The following KCTD4 variants were observed in gnomAD, a reference collection of about 807,000 sequenced individuals.
KCTD4 encodes the protein BTB/POZ domain-containing protein KCTD4.
In KCTD4, 12 loss-of-function variants were observed where a neutral mutation model predicts 18.3. That is an observed-to-expected ratio of 0.66 (90% CI 0.42 to 1.06). The LOEUF is 1.06. Among genes scored for constraint, KCTD4 ranks in the 50% least tolerant of loss-of-function variants. KCTD4 has a pLI of 0.00. For synonymous variants in KCTD4, 124 were observed against 110.5 expected (o/e 1.12, Z -0.76); for missense variants, 250 against 303.4 (o/e 0.82, Z 1.31).
intron 1 of KCTD4, among the ~76,000 whole-genome samples, chr13:45,199,954 G>C (rs1873093332): frequency 6.6e-6 from 1 of 152,152 alleles, no homozygotes; most frequent in Admixed American, 6.6e-5. Flanking sequence ...AGCAAATGTG[G>C]TTTCTTACAG....
At chr13:45,197,310 A>G (rs1319403675) in intron 1 of KCTD4, among the ~76,000 whole-genome samples, 5 of 150,322 alleles carry the variant, frequency 3.3e-5, no homozygotes, top group East Asian at 2.0e-4. Context: ...CAGCCTGGCC[A>G]GTATAGGGAA....
At position 45,199,859 on chromosome 13, in the gene KCTD4, A is replaced by C. The variant is rs145267457; in HGVS notation, c.-188+965T>G. ...CCTTCTGATTTTCTCATCACTTAAC[A>C]TCTGCTTGTGTCTTCAGTGATGAGG... On this transcript the variant is annotated intron_variant, in intron 1 of 1. Coordinates refer to ENST00000379108, the MANE Select transcript of KCTD4 (RefSeq NM_198404.3). Among the ~76,000 whole-genome samples, 648 of 152,242 alleles carry C rather than the reference A, an allele frequency of 4.3e-3. 5 individuals carry two copies. The highest frequency in any genetic ancestry group is 0.014 in the Middle Eastern group (4 of 294).
At chr13:45,199,213 C>A (rs552978058) in intron 1 of KCTD4, among the ~76,000 whole-genome samples, 2 of 152,154 alleles carry the variant, frequency 1.3e-5, no homozygotes, top group East Asian at 3.9e-4. Context: ...TGTTGAACTG[C>A]GTCTTCAAGG....
chr13:45,198,964 C>G (rs1162753352), intron 1 of KCTD4, among the ~76,000 whole-genome samples: 4 of 152,132 alleles, frequency 2.6e-5, no homozygotes, highest in African/African-American at 9.7e-5. Context: ...TTTTGAGTGT[C>G]CAAATTTTAG....
Position 45,193,635 on chromosome 13 carries a change from G to T in KCTD4, c.*153C>A, listed in dbSNP as rs1593482753. ...CAGAGGAAGGACATCTTTAGCGATA[G>T]AATTTACATACCGTTAGCTCACAGT... On this transcript the variant is annotated 3_prime_UTR_variant, in exon 2 of 2. Coordinates refer to ENST00000379108, the MANE Select transcript of KCTD4 (RefSeq NM_198404.3). The T allele has an allele frequency of 1.5e-6, 1 of 658,578 alleles. No individual in the cohort carries two copies. The allele number at this position is 658,578 out of a possible 1,614,324, so 40.8% of individuals were successfully genotyped here.
Position 45,194,563 on chromosome 13 carries a change from T to G in KCTD4, c.5A>C (p.Glu2Ala). ...TTTTTCTCTTCTGTTTATTTTACGCTCCATTTTTTGAAGATGCTATTTCAG... is the reference window on the plus strand; with the variant it reads ...TTTTTCTCTTCTGTTTATTTTACGCGCCATTTTTTGAAGATGCTATTTCAG... M[E>A]RKINRREKEK... Residue 2 changes from glutamate to alanine, a missense_variant, in exon 2 of 2, where the codon GAG (glutamate) becomes GCG (alanine). Glu to Ala is a moderately radical substitution (Grantham distance 107). Coordinates refer to ENST00000379108, the MANE Select transcript of KCTD4 (RefSeq NM_198404.3). 1 of 1,606,804 alleles carries G rather than the reference T, an allele frequency of 6.2e-7. No homozygotes were observed. Among genetic ancestry groups the G allele is most frequent in the Non-Finnish European group, 8.5e-7 (1 of 1,177,046 alleles).
chr13:45,199,740 G>A (rs1480066157), intron 1 of KCTD4, among the ~76,000 whole-genome samples: 1 of 152,158 alleles, frequency 6.6e-6, no homozygotes, highest in Non-Finnish European at 1.5e-5. Context: ...AAAATGAAGG[G>A]CATAACTTTG....
intron 1 of KCTD4, 91 bp from the exon 2 acceptor site, chr13:45,194,845 A>G: frequency 4.7e-6 from 2 of 422,642 alleles, no homozygotes; most frequent in Non-Finnish European, 4.2e-6. Flanking sequence ...CTTTGAAGTA[A>G]TAAGAGTTAC....
Position 45,194,204 on chromosome 13 carries a change from G to GCTGAAAGAATT in KCTD4, c.363_364insAATTCTTTCAG (p.Leu122AsnfsTer9). The GCTGAAAGAATT allele has an allele frequency of 6.2e-7, 1 of 1,614,142 alleles. No individual in the cohort carries two copies. The highest frequency in any genetic ancestry group is 8.5e-7 in the Non-Finnish European group (1 of 1,180,016). On this transcript the variant is annotated frameshift_variant, in exon 2 of 2. Transcript: ENST00000379108. LOFTEE classifies it high-confidence loss of function. ...CACCTGGATTTCACTTCCTCTGCCA[G>GCTGAAAGAATT]TCCCTTGAGCTGAAAGAATTCTGCT...
At chr13:45,199,117 A>G (rs1873047411) in intron 1 of KCTD4, among the ~76,000 whole-genome samples, 1 of 152,232 alleles carries the variant, frequency 6.6e-6, no homozygotes, top group South Asian at 2.1e-4. Context: ...GAACCTTCCT[A>G]GGACTAATAG....
At chr13:45,195,662 A>G (rs781009408) in intron 1 of KCTD4, among the ~76,000 whole-genome samples, 8 of 152,162 alleles carry the variant, frequency 5.3e-5, no homozygotes, top group South Asian at 2.1e-4. Flanking sequence ...TCTTTCCCCT[A>G]TAACTTCCCT....
chr13:45,193,929 G>A lies in KCTD4; in HGVS notation c.639C>T (p.Asp213=). The A allele has an allele frequency of 2.5e-6, 4 of 1,614,122 alleles. No individual in the cohort carries two copies. Among genetic ancestry groups the A allele is most frequent in the Non-Finnish European group, 2.5e-6 (3 of 1,180,006 alleles). ...ENGTRLVLKE[D]NTFVCTLETL... is the part of the protein sequence containing the mutation. ...TTTCCAAGGTACAGACAAAGGTGTTGTCTTCCTTTAGTACAAGTCGAGTGC... is the reference window on the plus strand; with the variant it reads ...TTTCCAAGGTACAGACAAAGGTGTTATCTTCCTTTAGTACAAGTCGAGTGC... Residue 213 remains aspartate, a synonymous_variant, in exon 2 of 2, where the codon GAC becomes GAT. Coordinates refer to ENST00000379108, the MANE Select transcript of KCTD4 (RefSeq NM_198404.3).
intron 1 of KCTD4, among the ~76,000 whole-genome samples, chr13:45,198,035 T>C (rs139497632): frequency 6.6e-6 from 1 of 152,254 alleles, no homozygotes; most frequent in Admixed American, 6.5e-5. Flanking sequence ...CTTAACTCTT[T>C]ATTAGAGTTA....
In KCTD4 at chr13:45,194,687, A is replaced by C. The variant is rs932860114; in HGVS notation, c.-120T>G. The stretch of plus-strand genomic sequence containing the variant: ...CTGGTGATGGAATGGAAACGCTGGC[A>C]GCATCGCCTGCGCTGTCAGCTCGGT... On this transcript the variant is annotated 5_prime_UTR_variant, in exon 2 of 2. Coordinates refer to ENST00000379108, the MANE Select transcript of KCTD4 (RefSeq NM_198404.3). The C allele has an allele frequency of 8.4e-5, 76 of 901,864 alleles. No individual in the cohort carries two copies. The highest frequency in any genetic ancestry group is 6.3e-4 in the Middle Eastern group (2 of 3,184). The allele number at this position is 901,864 out of a possible 1,614,324, so 55.9% of individuals were successfully genotyped here. A position where few individuals can be genotyped will look rare whatever the true frequency, so the allele number is the denominator to read the frequency against.
intron 1 of KCTD4, among the ~76,000 whole-genome samples, chr13:45,198,875 G>A (rs2138179817): frequency 6.6e-6 from 1 of 152,054 alleles, no homozygotes; most frequent in South Asian, 2.1e-4. Flanking sequence ...CTTCTTTTGT[G>A]TGTTAAAAAT....
In KCTD4 at chr13:45,194,711, G is replaced by A. The variant is rs1032248770; in HGVS notation, c.-144C>T. 4 of 716,100 alleles carry A rather than the reference G, an allele frequency of 5.6e-6. No individual in the cohort carries two copies. Among genetic ancestry groups the A allele is most frequent in the African/African-American group, 5.4e-5 (3 of 56,012 alleles). The allele number at this position is 716,100 out of a possible 1,614,324, so 44.4% of individuals were successfully genotyped here. ...CAGCATCGCCTGCGCTGTCAGCTCG[G>A]TTTTGCAGTAGGTGGCGTATCAGCC... is the stretch of plus-strand genomic sequence containing the variant. On this transcript the variant is annotated 5_prime_UTR_variant, in exon 2 of 2. Transcript: ENST00000379108.
Position 45,193,988 on chromosome 13 carries a change from T to C in KCTD4, c.580A>G (p.Ile194Val), listed in dbSNP as rs772248786. The C allele has an allele frequency of 3.1e-6, 5 of 1,613,678 alleles. No homozygotes were observed. Among genetic ancestry groups the C allele is most frequent in the Non-Finnish European group, 4.2e-6 (5 of 1,179,712 alleles). Residue 194 changes from isoleucine to valine, a missense_variant, in exon 2 of 2, where the codon ATC (isoleucine) becomes GTC (valine). Transcript: ENST00000379108. Reference sequence around the variant, plus strand: ...GACTTTATGAAGTATTTAAATTGGATGATATTTGACGATATTGAAAACTCC... The same window carrying C: ...GACTTTATGAAGTATTTAAATTGGACGATATTTGACGATATTGAAAACTCC... ...PEEFSISSNI[I>V]QFKYFIKSEN...
In KCTD4 at chr13:45,193,857, T is replaced by C. The variant is rs1385107249; in HGVS notation, c.711A>G (p.Arg237=). 1 of 1,614,056 alleles carries C rather than the reference T, an allele frequency of 6.2e-7. No homozygotes were observed. The highest frequency in any genetic ancestry group is 8.5e-7 in the Non-Finnish European group (1 of 1,179,962). The change falls in exon 2 of 2, where the codon AGA becomes AGG. Residue 237 remains arginine (R), a synonymous_variant. Transcript: ENST00000379108. ...AIMMALKCGF[R]LLTSLDCSKG... ...TGGAACAATCCAGGCTGGTCAGCAG[T>C]CTAAAGCCACACTTTAAAGCCATCA...
At chr13:45,196,160 A>C (rs1220432729) in intron 1 of KCTD4, among the ~76,000 whole-genome samples, 1 of 152,222 alleles carries the variant, frequency 6.6e-6, no homozygotes, top group African/African-American at 2.4e-5. Flanking sequence ...TGTATTATTG[A>C]GATCAAAAGT....
Sources: allele counts gnomAD v4.1 joint callset (sites outside exome capture counted in the v4.1 genomes callset), GRCh38; gene constraint gnomAD v4.1.1; transcripts MANE v1.5; gene names NCBI Gene and HGNC (gene_info 2026-07-23, HGNC 2026-07-21).